The following IGSF5 variants were observed in gnomAD, a reference collection of about 807,000 sequenced individuals.
IGSF5 encodes the protein immunoglobulin superfamily 5 like.
Under a neutral mutation model 39.4 loss-of-function variants are expected in IGSF5, and 41 were observed. The ratio of observed to expected loss-of-function variants is 1.04; its 90% CI spans 0.81 to 1.35. The LOEUF (loss-of-function observed/expected upper bound fraction) is 1.35. Ranked by LOEUF, IGSF5 falls within the 40% of genes most tolerant of loss-of-function variation. IGSF5 has a pLI of 0.00. For missense variants in IGSF5, 487 were observed against 494.6 expected (o/e 0.98, Z 0.15); for synonymous variants, 183 against 175.3 (o/e 1.04, Z -0.34).
chr21:39,735,969 C>T, the IGSF5 span, among the ~76,000 whole-genome samples: 1 of 152,206 alleles, frequency 6.6e-6, no homozygotes, highest in Non-Finnish European at 1.5e-5. Flanking sequence ...TTCCTTTTTA[C>T]ACCTGAAGAT....
intron 5 of IGSF5, among the ~76,000 whole-genome samples, chr21:39,785,261 A>G (rs2059060566): frequency 6.6e-6 from 1 of 151,004 alleles, no homozygotes; most frequent in Admixed American, 6.7e-5. Flanking sequence ...ATGGGCAAGG[A>G]CTTTATGTCT....
the IGSF5 span, among the ~76,000 whole-genome samples, chr21:39,718,742 T>C: frequency 1.3e-5 from 2 of 152,216 alleles, no homozygotes; most frequent in Admixed American, 1.3e-4. Flanking sequence ...GCTGCTGGAT[T>C]CGGTTTGCAA....
chr21:39,730,735 A>C, the IGSF5 span: 1 of 152,212 alleles, frequency 6.6e-6, no homozygotes, highest in Non-Finnish European at 1.5e-5. Flanking sequence ...AGTAAATTAG[A>C]TAATAATGTT....
At chr21:39,733,984 C>T in the IGSF5 span, among the ~76,000 whole-genome samples, 1 of 152,206 alleles carries the variant, frequency 6.6e-6, no homozygotes, top group Non-Finnish European at 1.5e-5. Context: ...TAATGAATTA[C>T]ATCTGCAATG....
the IGSF5 span, chr21:39,730,636 C>T: frequency 1.3e-5 from 2 of 152,284 alleles, no homozygotes; most frequent in African/African-American, 2.4e-5. Context: ...AAAAGGCCAG[C>T]GTAGTCATTT....
At chr21:39,750,362 A>G (rs1433523729) in intron 2 of IGSF5, among the ~76,000 whole-genome samples, 2 of 151,958 alleles carry the variant, frequency 1.3e-5, no homozygotes, top group Non-Finnish European at 2.9e-5. Context: ...CAGACCTTTC[A>G]CTGGGTGTGG....
chr21:39,792,367 T>G (rs931086997), intron 7 of IGSF5, among the ~76,000 whole-genome samples: 11 of 151,856 alleles, frequency 7.2e-5, no homozygotes, highest in African/African-American at 2.7e-4. Flanking sequence ...CATCACACAC[T>G]GGGGCCTGCC....
chr21:39,725,795 CTAAT>C, the IGSF5 span: 5 of 152,008 alleles, frequency 3.3e-5, no homozygotes, highest in African/African-American at 1.2e-4. Context: ...AGGAGGAGGC[CTAAT>C]TAATTGTGTG....
At chr21:39,715,133 T>G in the IGSF5 span, among the ~76,000 whole-genome samples, 1 of 152,124 alleles carries the variant, frequency 6.6e-6, no homozygotes, top group East Asian at 1.9e-4. Flanking sequence ...TTTTCTTTCT[T>G]TTGATATGAA....
intron 5 of IGSF5, among the ~76,000 whole-genome samples, chr21:39,782,489 T>C (rs2080175847): frequency 6.6e-6 from 1 of 152,216 alleles, no homozygotes; most frequent in Admixed American, 6.5e-5. Flanking sequence ...AAATAAACAC[T>C]GTACCTATCA....
chr21:39,777,903 C>G (rs1054488022), intron 4 of IGSF5, among the ~76,000 whole-genome samples: 2 of 152,086 alleles, frequency 1.3e-5, no homozygotes, highest in Admixed American at 6.5e-5. Context: ...GTCTGTGGTT[C>G]CAAAGTGGTG....
intron 6 of IGSF5, among the ~76,000 whole-genome samples, chr21:39,791,144 T>G (rs1409552713): frequency 6.6e-6 from 1 of 152,150 alleles, no homozygotes; most frequent in Admixed American, 6.5e-5. Flanking sequence ...CAGTGCCACA[T>G]TTTTCCAAAG....
chr21:39,732,483 G>A, the IGSF5 span, among the ~76,000 whole-genome samples: 4 of 152,168 alleles, frequency 2.6e-5, no homozygotes, highest in Non-Finnish European at 5.9e-5. Flanking sequence ...GACTGCAATG[G>A]ACAGAGAATG....
the IGSF5 span, among the ~76,000 whole-genome samples, chr21:39,732,040 G>A: frequency 6.6e-6 from 1 of 152,124 alleles, no homozygotes; most frequent in Non-Finnish European, 1.5e-5. Flanking sequence ...AGAGGTCCAT[G>A]TCAAAGAGAG....
chr21:39,768,940 TA>T (rs1221038589), intron 3 of IGSF5, among the ~76,000 whole-genome samples: 4 of 152,126 alleles, frequency 2.6e-5, no homozygotes, highest in African/African-American at 9.7e-5. Context: ...GTTTTCATAA[TA>T]ATATGAAGAT....
the IGSF5 span, among the ~76,000 whole-genome samples, chr21:39,724,237 T>C: frequency 6.6e-6 from 1 of 152,242 alleles, no homozygotes; most frequent in East Asian, 1.9e-4. Flanking sequence ...AGTACTTTTA[T>C]TTGGTGCAAC....
At chr21:39,770,367 A>G (rs980387765) in intron 3 of IGSF5, among the ~76,000 whole-genome samples, 4 of 152,228 alleles carry the variant, frequency 2.6e-5, no homozygotes, top group Non-Finnish European at 5.9e-5. Flanking sequence ...ATTTGTAATG[A>G]GAAACCTATG....
chr21:39,720,924 A>G, the IGSF5 span, among the ~76,000 whole-genome samples: 1 of 152,238 alleles, frequency 6.6e-6, no homozygotes, highest in African/African-American at 2.4e-5. Context: ...CAGATACTTC[A>G]AAACAAAACA....
chr21:39,799,760 C>T (rs984910809), intron 8 of IGSF5, among the ~76,000 whole-genome samples: 5 of 152,118 alleles, frequency 3.3e-5, no homozygotes, highest in Admixed American at 6.5e-5. Context: ...CTACCAGGGA[C>T]ACTCTTAATT....
Sources: allele counts gnomAD v4.1 joint callset (sites outside exome capture counted in the v4.1 genomes callset), GRCh38; gene constraint gnomAD v4.1.1; transcripts MANE v1.5; gene names NCBI Gene and HGNC (gene_info 2026-07-23, HGNC 2026-07-21).